Variants in DIP2C observed in about 807,000 individuals in gnomAD.
DIP2C encodes the protein DIP2 acetate--CoA ligase C (putative), also known as disco-interacting protein 2 homolog C.
DIP2C carries 33 observed loss-of-function variants against 192.4 expected under a neutral mutation model. That is an observed-to-expected ratio of 0.17 (90% CI 0.13 to 0.23). The LOEUF (loss-of-function observed/expected upper bound fraction) is 0.23. DIP2C is among the 10% of genes least tolerant of loss of function. The probability of loss-of-function intolerance (pLI) is 1.00; values close to 1 mark genes in which losing one functional copy is unlikely to be tolerated. For missense variants in DIP2C, 1,537 were observed against 2,110.1 expected, an observed-to-expected ratio of 0.73 and a Z score of 5.32; for synonymous variants, 979 against 864.1, an observed-to-expected ratio of 1.13 and a Z score of -2.33.
chr10:436,724 ATC>A (rs745478276), intron 4 of DIP2C, among the ~76,000 whole-genome samples: 3 of 99,706 alleles, frequency 3.0e-5, no homozygotes, highest in Non-Finnish European at 6.0e-5. Context: ...CACACCTGAG[ATC>A]TCTCTGAGCT....
chr10:385,863 A>G (rs4242759), intron 14 of DIP2C, among the ~76,000 whole-genome samples: 149,407 of 152,216 alleles, frequency 0.98, 73,393 homozygotes, highest in Middle Eastern at 1. Context: ...AGATGAAAGC[A>G]AAAAAGCATG....
intron 3 of DIP2C, among the ~76,000 whole-genome samples, chr10:463,512 A>T (rs1294750877): frequency 6.6e-6 from 1 of 152,228 alleles, no homozygotes; most frequent in African/African-American, 2.4e-5. Flanking sequence ...AAACAAATGG[A>T]AAATCATTCC....
chr10:536,016 T>C (rs1847673231), intron 1 of DIP2C, among the ~76,000 whole-genome samples: 1 of 152,204 alleles, frequency 6.6e-6, no homozygotes, highest in Admixed American at 6.5e-5. Flanking sequence ...TCAGCTCCCC[T>C]GGGTTTCCAT....
chr10:495,110 GA>G (rs1169130092), intron 1 of DIP2C, among the ~76,000 whole-genome samples: 1 of 152,176 alleles, frequency 6.6e-6, no homozygotes, highest in Non-Finnish European at 1.5e-5. Context: ...TACGCTAAGT[GA>G]AATAAAACAG....
intron 1 of DIP2C, among the ~76,000 whole-genome samples, chr10:574,689 T>C (rs1850043284): frequency 6.6e-6 from 1 of 152,348 alleles, no homozygotes; most frequent in East Asian, 1.9e-4. Context: ...AAGTTTGCCA[T>C]AACCACAGAG....
intron 1 of DIP2C, among the ~76,000 whole-genome samples, chr10:509,837 C>T (rs958073345): frequency 6.6e-6 from 1 of 152,066 alleles, no homozygotes; most frequent in Non-Finnish European, 1.5e-5. Context: ...AGGACAGGGC[C>T]GCCGCAGTCT....
At chr10:536,501 CAG>C (rs1409532152) in intron 1 of DIP2C, among the ~76,000 whole-genome samples, 4 of 152,114 alleles carry the variant, frequency 2.6e-5, no homozygotes, top group Non-Finnish European at 4.4e-5. Context: ...ATCACAGTCC[CAG>C]GGGGGCCAGC....
chr10:480,467 TG>T (rs1334347295), intron 2 of DIP2C, among the ~76,000 whole-genome samples: 1 of 152,216 alleles, frequency 6.6e-6, no homozygotes, highest in Non-Finnish European at 1.5e-5. Flanking sequence ...CCATGCTCAC[TG>T]GATGACGGTC....
chr10:341,617 A>G (rs1041461988), intron 28 of DIP2C, among the ~76,000 whole-genome samples: 3 of 152,230 alleles, frequency 2.0e-5, no homozygotes, highest in Admixed American at 6.5e-5. Flanking sequence ...GCTGCACTGA[A>G]TGCATGGGAC....
At chr10:617,079 G>A (rs184305851) in intron 1 of DIP2C, among the ~76,000 whole-genome samples, 135 of 152,292 alleles carry the variant, frequency 8.9e-4, no homozygotes, top group African/African-American at 3.1e-3. Context: ...ACACAACGGG[G>A]TTCACAGGCC....
At chr10:683,608 C>T (rs987762589) in intron 1 of DIP2C, among the ~76,000 whole-genome samples, 1 of 152,132 alleles carries the variant, frequency 6.6e-6, no homozygotes, top group African/African-American at 2.4e-5. Context: ...GGGTAAACAC[C>T]CATTTGCCAA....
intron 1 of DIP2C, among the ~76,000 whole-genome samples, chr10:688,675 C>T (rs1262533439): frequency 6.7e-6 from 1 of 149,996 alleles, no homozygotes; most frequent in Non-Finnish European, 1.5e-5. Context: ...GGGGAAAAGA[C>T]CTGGCAAAGC....
intron 3 of DIP2C, among the ~76,000 whole-genome samples, chr10:456,297 A>AACTG (rs1969287924): frequency 1.0e-4 from 6 of 59,294 alleles, no homozygotes; most frequent in African/African-American, 4.4e-4. Flanking sequence ...AGGGGAGGCC[A>AACTG]TGAGGAGTAA....
At chr10:611,721 A>G (rs923109254) in intron 1 of DIP2C, among the ~76,000 whole-genome samples, 1 of 152,214 alleles carries the variant, frequency 6.6e-6, no homozygotes, top group African/African-American at 2.4e-5. Context: ...TAAGGCACAC[A>G]CGTAGGAAAG....
chr10:342,413 C>T (rs1460932288), intron 28 of DIP2C, among the ~76,000 whole-genome samples: 1 of 152,222 alleles, frequency 6.6e-6, no homozygotes, highest in African/African-American at 2.4e-5. Context: ...CCGCCTCGGC[C>T]TCCCAAAGTG....
chr10:488,940 A>G (rs1844224234), intron 1 of DIP2C, among the ~76,000 whole-genome samples: 1 of 152,200 alleles, frequency 6.6e-6, no homozygotes, highest in Non-Finnish European at 1.5e-5. Flanking sequence ...AGAGACCTGC[A>G]GGTAAGTGAC....
At chr10:315,722 C>T (rs1310263047) in intron 31 of DIP2C, among the ~76,000 whole-genome samples, 2 of 152,196 alleles carry the variant, frequency 1.3e-5, no homozygotes, top group African/African-American at 2.4e-5. Context: ...GTTGATTCTT[C>T]CCTTCACTCC....
intron 1 of DIP2C, among the ~76,000 whole-genome samples, chr10:590,771 C>G (rs1426537997): frequency 1.3e-5 from 2 of 152,212 alleles, no homozygotes; most frequent in Non-Finnish European, 2.9e-5. Context: ...TATTGAAACT[C>G]AAATATCTTA....
At chr10:410,323 C>T (rs1349202926) in intron 8 of DIP2C, among the ~76,000 whole-genome samples, 2 of 152,162 alleles carry the variant, frequency 1.3e-5, no homozygotes, top group Non-Finnish European at 2.9e-5. Flanking sequence ...TACAAAGTTA[C>T]GGTGTGCATT....
Sources: allele counts gnomAD v4.1 joint callset (sites outside exome capture counted in the v4.1 genomes callset), GRCh38; gene constraint gnomAD v4.1.1; transcripts MANE v1.5; gene names NCBI Gene and HGNC (gene_info 2026-07-23, HGNC 2026-07-21).